CENPP: variants seen among roughly 807,000 people sequenced by gnomAD.
CENPP encodes centromere protein P.
CENPP carries 24 observed loss-of-function variants against 35.6 expected under a neutral mutation model. That is an observed-to-expected ratio of 0.67 (90% CI 0.49 to 0.95). The LOEUF is 0.95. CENPP is among the 40% of genes least tolerant of loss of function. CENPP has a pLI of 0.00. For missense variants in CENPP, 332 were observed against 345.3 expected (o/e 0.96, Z 0.31); for synonymous variants, 120 against 125.5 (o/e 0.96, Z 0.29).
In CENPP at chr9:92,586,017, T is replaced by C. The variant is rs116655781; in HGVS notation, c.565-25297T>C. ...CACCCCCTCATGAGTTGGAGTAGCT[T>C]TCTGGGAAGTGGTAGCATCTGTAGA... is the stretch of plus-strand genomic sequence containing the variant. On this transcript the variant is annotated intron_variant, in intron 5 of 7. Coordinates refer to ENST00000375587, the MANE Select transcript of CENPP (RefSeq NM_001012267.3). Among the ~76,000 whole-genome samples the C allele has an allele frequency of 7.5e-3, 1,144 of 152,266 alleles. 12 individuals carry two copies. Among genetic ancestry groups the C allele is most frequent in the African/African-American group, 0.023 (971 of 41,570 alleles).
chr9:92,404,259 C>T (rs560188303), intron 5 of CENPP, among the ~76,000 whole-genome samples: 23 of 152,134 alleles, frequency 1.5e-4, no homozygotes, highest in Non-Finnish European at 2.6e-4. Context: ...GCCAGTTTGT[C>T]AAAAATCCAG....
intron 5 of CENPP, among the ~76,000 whole-genome samples, chr9:92,413,385 A>G (rs1203682991): frequency 6.6e-6 from 1 of 152,032 alleles, no homozygotes; most frequent in Non-Finnish European, 1.5e-5. Flanking sequence ...CAATTTTTCC[A>G]CATCTTGCCA....
chr9:92,464,355 T>G (rs1374568667), intron 5 of CENPP, among the ~76,000 whole-genome samples: 1 of 152,232 alleles, frequency 6.6e-6, no homozygotes, highest in East Asian at 1.9e-4. Context: ...AATGATTATG[T>G]CACAGGTGGT....
chr9:92,372,728 T>A (rs1293064098), intron 4 of CENPP, among the ~76,000 whole-genome samples: 3 of 152,214 alleles, frequency 2.0e-5, no homozygotes, highest in Non-Finnish European at 4.4e-5. Flanking sequence ...GTTATTTTCT[T>A]CACACACTGA....
Position 92,416,102 on chromosome 9 carries a change from T to A in CENPP, c.564+36243T>A, listed in dbSNP as rs866084948. Among the ~76,000 whole-genome samples, 1,090 of 140,072 alleles carry A rather than the reference T, an allele frequency of 7.8e-3. 17 individuals carry two copies. The highest frequency in any genetic ancestry group is 0.027 in the African/African-American group (973 of 36,530). The allele number at this position is 140,072 out of a possible 152,430, so 91.9% of individuals were successfully genotyped here. ...TATTTATTTATTTATTTATTTATTT[T>A]ATTTTTTTTTTTTTTAAGACAGAGT... On this transcript the variant is annotated intron_variant, in intron 5 of 7. Transcript: ENST00000375587.
intron 5 of CENPP, among the ~76,000 whole-genome samples, chr9:92,529,595 A>G (rs1848624683): frequency 6.6e-6 from 1 of 152,208 alleles, no homozygotes; most frequent in Non-Finnish European, 1.5e-5. Flanking sequence ...AAACTATGGT[A>G]TATTCAGACA....
chr9:92,332,613 G>T (rs1182286825), intron 2 of CENPP, among the ~76,000 whole-genome samples: 1 of 152,184 alleles, frequency 6.6e-6, no homozygotes, highest in East Asian at 1.9e-4. Context: ...TTTGAGACAA[G>T]CCTGGCCAAC....
intron 4 of CENPP, among the ~76,000 whole-genome samples, chr9:92,351,394 C>T (rs1467492862): frequency 2.0e-5 from 3 of 150,900 alleles, no homozygotes; most frequent in Admixed American, 6.6e-5. Context: ...GCAGGAGAAT[C>T]GCTTGAACCT....
chr9:92,340,667 A>C (rs1404367045), intron 3 of CENPP, among the ~76,000 whole-genome samples: 1 of 152,158 alleles, frequency 6.6e-6, no homozygotes, highest in Non-Finnish European at 1.5e-5. Flanking sequence ...CTAAACATAA[A>C]TTGTGAAGAT....
intron 5 of CENPP, among the ~76,000 whole-genome samples, chr9:92,577,820 T>C (rs1256511262): frequency 6.6e-6 from 1 of 151,834 alleles, no homozygotes. Flanking sequence ...TTATTATACT[T>C]TAAGTTTTAG....
chr9:92,403,560 G>T (rs1331205440), intron 5 of CENPP: 7 of 1,324,380 alleles, frequency 5.3e-6, no homozygotes, highest in Non-Finnish European at 6.7e-6. Context: ...CGCAGTAAGG[G>T]CCAGAGAACA....
rs1846969712 is a variant in CENPP, at chr9:92,505,794, C to A, written c.565-105520C>A. 4 of 923,898 alleles carry A rather than the reference C, an allele frequency of 4.3e-6. No homozygotes were observed. The South Asian group carries it at 7.5e-5, about 17-fold the overall frequency. 57.2% of individuals were successfully genotyped at this position (923,898 alleles called of 1,614,324 possible). On this transcript the variant is annotated intron_variant, in intron 5 of 7. Transcript: ENST00000375587. ...TGAAATGGCCGGTTTATTTGGAGGG[C>A]AAATACAGTTTTTTTTAAACCTTTG... is the stretch of plus-strand genomic sequence containing the variant.
intron 5 of CENPP, chr9:92,385,462 T>C (rs1842380780): frequency 3.3e-6 from 2 of 611,328 alleles, no homozygotes; most frequent in African/African-American, 1.9e-5. Context: ...TTTTTACTTA[T>C]TATATGTAAG....
At chr9:92,401,132 A>C (rs1194912498) in intron 5 of CENPP, 5 of 1,556,990 alleles carry the variant, frequency 3.2e-6, no homozygotes, top group Non-Finnish European at 4.4e-6. Context: ...TTATTGCCTC[A>C]TCTTTTTGTA....
chr9:92,500,826 C>G, intron 5 of CENPP: 7 of 1,614,194 alleles, frequency 4.3e-6, no homozygotes, highest in East Asian at 2.2e-5. Flanking sequence ...AAATAATTCT[C>G]TCAGAGAATG....
intron 5 of CENPP, among the ~76,000 whole-genome samples, chr9:92,533,303 C>CAAAAAAAAAAA (rs1174584000): frequency 3.3e-5 from 1 of 29,886 alleles, no homozygotes; most frequent in Non-Finnish European, 5.6e-5. Context: ...CGGTCTCAAA[C>CAAAAAAAAAAA]AAAAAAAAAA....
At chr9:92,325,871 C>G, upstream of CENPP, 1 of 698,840 alleles carries the variant, frequency 1.4e-6, no homozygotes. Flanking sequence ...GGAGCTCTCC[C>G]GCCTCCCCTC....
At chr9:92,487,442 C>A (rs983929033) in intron 5 of CENPP, among the ~76,000 whole-genome samples, 1 of 152,182 alleles carries the variant, frequency 6.6e-6, no homozygotes, top group African/African-American at 2.4e-5. Flanking sequence ...TGGATTATAA[C>A]ACATACAATA....
At chr9:92,609,508 C>T (rs1008073940) in intron 5 of CENPP, among the ~76,000 whole-genome samples, 1 of 152,238 alleles carries the variant, frequency 6.6e-6, no homozygotes, top group Admixed American at 6.5e-5. Flanking sequence ...TCCCTAAGGC[C>T]TGGGGAGGCC....
Sources: allele counts gnomAD v4.1 joint callset (sites outside exome capture counted in the v4.1 genomes callset), GRCh38; gene constraint gnomAD v4.1.1; transcripts MANE v1.5; gene names NCBI Gene and HGNC (gene_info 2026-07-23, HGNC 2026-07-21).